CRIM1: variants seen among roughly 807,000 people sequenced by gnomAD.
CRIM1 encodes cysteine-rich motor neuron 1 protein.
In CRIM1, 32 loss-of-function variants were observed where a neutral mutation model predicts 116.4. The observed-to-expected ratio is 0.27, with a 90% confidence interval of 0.21 to 0.37. The LOEUF (loss-of-function observed/expected upper bound fraction) is 0.37, where lower values mean the gene tolerates loss of function less well. CRIM1 is among the 10% of genes least tolerant of loss of function. The pLI is 1.00. For missense variants in CRIM1, 1,331 were observed against 1,354.8 expected (o/e 0.98, Z 0.28); for synonymous variants, 590 against 509.2 (o/e 1.16, Z -2.13).
intron 5 of CRIM1, among the ~76,000 whole-genome samples, chr2:36,470,726 A>G (rs2125023533): frequency 6.6e-6 from 1 of 152,338 alleles, no homozygotes; most frequent in South Asian, 2.1e-4. Flanking sequence ...CGTGCCTAAC[A>G]CAACATCCAT....
At chr2:36,515,320 G>A (rs900499012) in intron 11 of CRIM1, among the ~76,000 whole-genome samples, 2 of 152,180 alleles carry the variant, frequency 1.3e-5, no homozygotes, top group Non-Finnish European at 2.9e-5. Flanking sequence ...CAGAGTCATG[G>A]AAAGTTCTTA....
chr2:36,406,249 A>C (rs1350390723), intron 2 of CRIM1, among the ~76,000 whole-genome samples: 1 of 152,102 alleles, frequency 6.6e-6, no homozygotes, highest in Non-Finnish European at 1.5e-5. Flanking sequence ...AATTATCACC[A>C]CTGTAATTGT....
chr2:36,510,037 G>A lies in CRIM1; in HGVS notation c.1556G>A (p.Gly519Asp). 1 of 1,614,158 alleles carries A rather than the reference G, an allele frequency of 6.2e-7. No homozygotes were observed. The highest frequency in any genetic ancestry group is 8.5e-7 in the Non-Finnish European group (1 of 1,180,014). Residue 519 changes from glycine (G) to aspartate (D), a missense_variant, in exon 9 of 17, where the codon GGT becomes GAT. Physicochemically the swap from Gly to Asp is moderately conservative, Grantham distance 94 (BLOSUM62 -1). Around this residue, in one of 3 missense-constraint regions of CRIM1, gnomAD observed 358 missense variants for 436.1 expected, o/e 0.82. Transcript: ENST00000280527. The stretch of plus-strand genomic sequence containing the variant: ...GGCTGCACCTTGAACTGTCCCTTCG[G>A]TTTCCTTACTGATGCCCAAAACTGT... ...KQGCTLNCPF[G>D]FLTDAQNCEI...
chr2:36,407,236 C>T (rs3755212), intron 2 of CRIM1, among the ~76,000 whole-genome samples: 4,734 of 152,174 alleles, frequency 0.031, 191 homozygotes, highest in East Asian at 0.09. Flanking sequence ...GAAGCACACA[C>T]ACATATACAT....
intron 11 of CRIM1, among the ~76,000 whole-genome samples, chr2:36,516,766 G>C (rs903657710): frequency 5.3e-5 from 8 of 152,068 alleles, no homozygotes; most frequent in African/African-American, 1.9e-4. Flanking sequence ...AAGCAGATAG[G>C]GCATCGATCA....
intron 8 of CRIM1, among the ~76,000 whole-genome samples, chr2:36,504,818 C>T (rs1352219142): frequency 6.6e-6 from 1 of 152,172 alleles, no homozygotes; most frequent in Non-Finnish European, 1.5e-5. Flanking sequence ...AAGGCATCTG[C>T]ATGAATTAAG....
Position 36,516,399 on chromosome 2 carries a change from G to C in CRIM1, c.1991-928G>C, listed in dbSNP as rs76716235. On this transcript the variant is annotated intron_variant, in intron 11 of 16. Transcript: ENST00000280527. The stretch of plus-strand genomic sequence containing the variant: ...TGTTGCATTTGGATTACGTGACTAT[G>C]GTTAATGTCTTCATACTTCTCATTT... Among the ~76,000 whole-genome samples the C allele has an allele frequency of 5.6e-3, 854 of 152,194 alleles. 9 individuals are homozygous for C. The highest frequency in any genetic ancestry group is 0.02 in the African/African-American group (812 of 41,518).
Position 36,469,290 on chromosome 2 carries a change from ATC to A in CRIM1, c.991+4637_991+4638del, listed in dbSNP as rs569059190. On this transcript the variant is annotated intron_variant, in intron 5 of 16. Coordinates refer to ENST00000280527, the MANE Select transcript of CRIM1 (RefSeq NM_016441.3). ...TATGAAGTAAGTTCAGAGAAAGGGG[ATC>A]TGAATACAACTTAGCGTGTGTTTTT... Among the ~76,000 whole-genome samples the A allele has an allele frequency of 4.3e-3, 654 of 152,292 alleles. 2 individuals carry two copies. Among genetic ancestry groups the A allele is most frequent in the Admixed American group, 7.2e-3 (110 of 15,294 alleles).
intron 1 of CRIM1, among the ~76,000 whole-genome samples, chr2:36,379,740 CTCT>C (rs1489521651): frequency 3.1e-5 from 3 of 97,476 alleles, no homozygotes; most frequent in South Asian, 3.4e-4. Context: ...CTTTCTTTCT[CTCT>C]TTTTTTTTTT....
At chr2:36,505,763 T>C (rs1192596898) in intron 8 of CRIM1, among the ~76,000 whole-genome samples, 1 of 150,220 alleles carries the variant, frequency 6.7e-6, no homozygotes, top group Non-Finnish European at 1.5e-5. Flanking sequence ...CAATGATGAT[T>C]CCCCATTTTT....
At chr2:36,401,333 G>A (rs1294115248) in intron 2 of CRIM1, among the ~76,000 whole-genome samples, 5 of 152,204 alleles carry the variant, frequency 3.3e-5, no homozygotes, top group African/African-American at 1.2e-4. Flanking sequence ...GTGGCTTAGT[G>A]CAGAATAGTT....
At chr2:36,419,059 A>T (rs903961825) in intron 2 of CRIM1, among the ~76,000 whole-genome samples, 1 of 152,188 alleles carries the variant, frequency 6.6e-6, no homozygotes, top group Non-Finnish European at 1.5e-5. Context: ...CCTGTAATAA[A>T]TATAAGTGGA....
At chr2:36,469,148 G>A (rs1420118598) in intron 5 of CRIM1, among the ~76,000 whole-genome samples, 4 of 152,158 alleles carry the variant, frequency 2.6e-5, no homozygotes, top group Non-Finnish European at 5.9e-5. Context: ...CAAGTCATCA[G>A]CACAAAAGAG....
At chr2:36,450,698 T>C (rs1007092055) in intron 4 of CRIM1, among the ~76,000 whole-genome samples, 2 of 152,178 alleles carry the variant, frequency 1.3e-5, no homozygotes, top group African/African-American at 4.8e-5. Context: ...GGTAGTCCCA[T>C]TGTGTCTGAA....
chr2:36,374,689 C>T (rs1165645530), intron 1 of CRIM1, among the ~76,000 whole-genome samples: 2 of 152,086 alleles, frequency 1.3e-5, no homozygotes, highest in Non-Finnish European at 2.9e-5. Context: ...AAAAAAAATT[C>T]TATTTAAGAG....
chr2:36,509,343 A>C (rs1681651484), intron 8 of CRIM1, among the ~76,000 whole-genome samples: 1 of 152,136 alleles, frequency 6.6e-6, no homozygotes, highest in Non-Finnish European at 1.5e-5. Flanking sequence ...TTTAGTAGAG[A>C]AGGCGAAACC....
chr2:36,361,047 T>C (rs887377236), intron 1 of CRIM1, among the ~76,000 whole-genome samples: 3 of 152,110 alleles, frequency 2.0e-5, no homozygotes, highest in African/African-American at 7.2e-5. Flanking sequence ...AAAGTAAATA[T>C]TGGCAAAACA....
chr2:36,531,726 C>T, intron 13 of CRIM1: 1 of 330,880 alleles, frequency 3.0e-6, no homozygotes, highest in South Asian at 2.4e-5. Flanking sequence ...CCGCTTCTTC[C>T]TCCTCTTGTG....
Position 36,490,740 on chromosome 2 carries a change from C to T in CRIM1, c.1373-8479C>T, listed in dbSNP as rs191593362. 2.8e-4 allele frequency among the ~76,000 whole-genome samples: 43 copies of T among 152,184 alleles called. No homozygotes were observed. The East Asian group carries it at 6.6e-3, about 23-fold the overall frequency. ...CATCCTCCCACCTAGGGACATTACT[C>T]AACCCAAGAGCCCCGACCCACTCTC... is the stretch of plus-strand genomic sequence containing the variant. On this transcript the variant is annotated intron_variant, in intron 7 of 16. Coordinates refer to ENST00000280527, the MANE Select transcript of CRIM1 (RefSeq NM_016441.3).
Sources: allele counts gnomAD v4.1 joint callset (sites outside exome capture counted in the v4.1 genomes callset), GRCh38; gene constraint gnomAD v4.1.1; regional missense constraint gnomAD v4.1.1; transcripts MANE v1.5; gene names NCBI Gene and HGNC (gene_info 2026-07-23, HGNC 2026-07-21).